The following BORCS5 variants were observed in gnomAD, a reference collection of about 807,000 sequenced individuals.
BORCS5 encodes BLOC-1-related complex subunit 5.
A neutral mutation model predicts 22.1 loss-of-function variants in BORCS5; 17 were observed. That is an observed-to-expected ratio of 0.77 (90% CI 0.53 to 1.15). BORCS5 has a LOEUF of 1.15. BORCS5 is among the 50% of genes most tolerant of loss of function. The pLI, the probability that BORCS5 is intolerant of heterozygous loss-of-function variation, is 0.00. For synonymous variants in BORCS5, 117 were observed against 99.8 expected (o/e 1.17, Z -1.03); for missense variants, 247 against 253.2 (o/e 0.98, Z 0.17).
At chr12:12,414,144 T>C (rs1592101890) in intron 2 of BORCS5, among the ~76,000 whole-genome samples, 1 of 86,858 alleles carries the variant, frequency 1.2e-5, no homozygotes, top group Non-Finnish European at 2.4e-5. Flanking sequence ...ACGGGGCGGC[T>C]GGCCGGGCGG....
chr12:12,372,819 A>G (rs147267392), intron 2 of BORCS5, among the ~76,000 whole-genome samples: 155 of 152,206 alleles, frequency 1.0e-3, no homozygotes, highest in Non-Finnish European at 1.8e-3. Flanking sequence ...TCACCTTACA[A>G]ATTTACAGAT....
intron 3 of BORCS5, among the ~76,000 whole-genome samples, chr12:12,458,053 A>G (rs1347804952): frequency 2.0e-5 from 3 of 152,192 alleles, no homozygotes; most frequent in African/African-American, 4.8e-5. Flanking sequence ...TTCTTTCCAC[A>G]CTGTGTCAGG....
chr12:12,459,937 G>A (rs1943072526), intron 3 of BORCS5, among the ~76,000 whole-genome samples: 1 of 152,124 alleles, frequency 6.6e-6, no homozygotes, highest in South Asian at 2.1e-4. Context: ...CCTGATTACT[G>A]TAGTTTTATA....
At chr12:12,413,087 G>A (rs1941784841) in intron 2 of BORCS5, among the ~76,000 whole-genome samples, 2 of 125,290 alleles carry the variant, frequency 1.6e-5, no homozygotes, top group Admixed American at 1.6e-4. Flanking sequence ...GATTACTTGA[G>A]ATTGGGGATT....
chr12:12,418,046 C>T (rs926524947), intron 2 of BORCS5, among the ~76,000 whole-genome samples: 13 of 150,184 alleles, frequency 8.7e-5, no homozygotes, highest in African/African-American at 1.2e-4. Context: ...ATTTTTGAGA[C>T]GGAGCCTCAC....
At chr12:12,387,382 A>G (rs1242012731) in intron 2 of BORCS5, among the ~76,000 whole-genome samples, 1 of 151,554 alleles carries the variant, frequency 6.6e-6, no homozygotes, top group Non-Finnish European at 1.5e-5. Context: ...CATAGTAAAA[A>G]CAATACTATC....
At chr12:12,380,033 C>T (rs1186475213) in intron 2 of BORCS5, among the ~76,000 whole-genome samples, 5 of 151,026 alleles carry the variant, frequency 3.3e-5, no homozygotes, top group African/African-American at 1.2e-4. Context: ...GGAGTAGGTC[C>T]AAGGAGAGGG....
chr12:12,415,282 T>C (rs1941904399), intron 2 of BORCS5, among the ~76,000 whole-genome samples: 1 of 150,276 alleles, frequency 6.7e-6, no homozygotes, highest in East Asian at 2.0e-4. Context: ...TGAACGAGAC[T>C]CCGTCTGCAA....
At chr12:12,406,524 C>G (rs1166913350) in intron 2 of BORCS5, among the ~76,000 whole-genome samples, 1 of 152,154 alleles carries the variant, frequency 6.6e-6, no homozygotes, top group Non-Finnish European at 1.5e-5. Context: ...CAAGAAAAGT[C>G]CTGGCATTAG....
intron 2 of BORCS5, among the ~76,000 whole-genome samples, chr12:12,367,961 G>T (rs908303668): frequency 7.2e-5 from 11 of 152,258 alleles, no homozygotes; most frequent in Non-Finnish European, 1.5e-4. Context: ...TTTCAATTCA[G>T]TTGCCCTCTT....
intron 3 of BORCS5, among the ~76,000 whole-genome samples, chr12:12,454,194 A>C (rs1023177446): frequency 6.6e-6 from 1 of 152,232 alleles, no homozygotes; most frequent in African/African-American, 2.4e-5. Context: ...TTGGGAATAC[A>C]TGTGAAGTGA....
At chr12:12,416,359 C>A (rs1187422033) in intron 2 of BORCS5, among the ~76,000 whole-genome samples, 1 of 151,804 alleles carries the variant, frequency 6.6e-6, no homozygotes. Flanking sequence ...TTCTATCCTT[C>A]TGCTAACTTT....
chr12:12,385,083 A>G (rs1040126811), intron 2 of BORCS5, among the ~76,000 whole-genome samples: 1 of 151,346 alleles, frequency 6.6e-6, no homozygotes, highest in Non-Finnish European at 1.5e-5. Context: ...TTCAAAGTTC[A>G]GGCCATTTTC....
chr12:12,428,099 G>C (rs1387355885), intron 2 of BORCS5, among the ~76,000 whole-genome samples: 1 of 152,190 alleles, frequency 6.6e-6, no homozygotes, highest in African/African-American at 2.4e-5. Context: ...AGTAAATGGA[G>C]CTCGTTATGT....
At chr12:12,462,723 C>T (rs1943131763) in intron 3 of BORCS5, among the ~76,000 whole-genome samples, 2 of 152,122 alleles carry the variant, frequency 1.3e-5, no homozygotes, top group African/African-American at 4.8e-5. Context: ...GTGGTGCGAT[C>T]TTGGCTCACT....
At chr12:12,373,583 A>C (rs1863577694) in intron 2 of BORCS5, among the ~76,000 whole-genome samples, 1 of 152,086 alleles carries the variant, frequency 6.6e-6, no homozygotes, top group African/African-American at 2.4e-5. Flanking sequence ...ATGCTTTTTA[A>C]TCCATATTTT....
chr12:12,447,789 A>T (rs755470161), intron 3 of BORCS5, among the ~76,000 whole-genome samples: 2 of 152,154 alleles, frequency 1.3e-5, no homozygotes, highest in Non-Finnish European at 2.9e-5. Context: ...ACCTTAGCTG[A>T]GGTTTTAAGA....
chr12:12,416,567 C>G (rs146036583), intron 2 of BORCS5, among the ~76,000 whole-genome samples: 1 of 152,016 alleles, frequency 6.6e-6, no homozygotes, highest in East Asian at 1.9e-4. Flanking sequence ...CCTCAGCCTC[C>G]CAGTAACTGA....
At position 12,425,088 on chromosome 12, in the gene BORCS5, A is replaced by G. The variant is rs548006115; in HGVS notation, c.203-10540A>G. On this transcript the variant is annotated intron_variant, in intron 2 of 3. Transcript: ENST00000314565. ...GATCAGAGCATAGATTCATATTTAG[A>G]GGACAGGGTCCTTTTCTCCCCTGCT... is the stretch of plus-strand genomic sequence containing the variant. 5.1e-4 allele frequency among the ~76,000 whole-genome samples: 77 copies of G among 152,282 alleles called. No homozygotes were observed. The South Asian group carries it at 7.0e-3, about 14-fold the overall frequency.
Sources: gnomAD v4.1 joint callset for allele counts (sites outside exome capture counted in the v4.1 genomes callset) on GRCh38, gnomAD v4.1.1 for gene constraint, MANE v1.5 for transcripts, NCBI Gene and HGNC (gene_info 2026-07-23, HGNC 2026-07-21) for gene names.